Variants in MAF observed in about 807,000 individuals in gnomAD.
MAF encodes the protein MAF bZIP transcription factor.
In MAF, 10 loss-of-function variants were observed where a neutral mutation model predicts 22.0. That is an observed-to-expected ratio of 0.45 (90% CI 0.28 to 0.77). MAF has a LOEUF of 0.77. Among genes scored for constraint, MAF ranks in the 30% least tolerant of loss-of-function variants. The pLI is 0.12. For missense variants in MAF, 544 were observed against 548.4 expected, an observed-to-expected ratio of 0.99 and a Z score of 0.08; for synonymous variants, 337 against 255.8, an observed-to-expected ratio of 1.32 and a Z score of -3.03.
At chr16:79,410,407 G>A in the MAF span, among the ~76,000 whole-genome samples, 3 of 152,224 alleles carry the variant, frequency 2.0e-5, no homozygotes, top group South Asian at 6.2e-4. Context: ...ATTGAACTGA[G>A]CAACTGCGAA....
At chr16:79,531,861 A>G in the MAF span, among the ~76,000 whole-genome samples, 2 of 151,748 alleles carry the variant, frequency 1.3e-5, no homozygotes, top group East Asian at 3.9e-4. Flanking sequence ...TGAAAAGATT[A>G]GAAAATAGGC....
chr16:79,582,294 G>T (rs1181741516), downstream of MAF, among the ~76,000 whole-genome samples: 1 of 152,226 alleles, frequency 6.6e-6, no homozygotes, highest in Non-Finnish European at 1.5e-5. Context: ...GTAAATCGGA[G>T]ATTTTGGCAG....
At chr16:79,577,642 T>C in the MAF span, among the ~76,000 whole-genome samples, 5 of 152,308 alleles carry the variant, frequency 3.3e-5, no homozygotes, top group African/African-American at 1.2e-4. Context: ...CTCTAACTCC[T>C]GACATGCTGG....
the MAF span, among the ~76,000 whole-genome samples, chr16:79,270,902 T>TTA: frequency 6.7e-6 from 1 of 149,424 alleles, no homozygotes; most frequent in Non-Finnish European, 1.5e-5. Context: ...TGGCCAGAGT[T>TTA]TTTTTTTTTT....
the MAF span, among the ~76,000 whole-genome samples, chr16:79,429,487 A>T: frequency 3.3e-5 from 5 of 152,126 alleles, no homozygotes; most frequent in Admixed American, 2.6e-4. Flanking sequence ...AAGATTAAGC[A>T]ATTTGCTTTT....
downstream of MAF, among the ~76,000 whole-genome samples, chr16:79,581,039 C>T (rs1299841748): frequency 6.6e-6 from 1 of 152,050 alleles, no homozygotes; most frequent in Non-Finnish European, 1.5e-5. Flanking sequence ...AAGAGAGATG[C>T]CAAGCATCTC....
chr16:79,500,094 C>T, the MAF span, among the ~76,000 whole-genome samples: 16 of 152,188 alleles, frequency 1.1e-4, no homozygotes, highest in Admixed American at 1.0e-3. Flanking sequence ...TGCCTGGAGC[C>T]TCCAGAAGAA....
chr16:79,281,310 G>A, the MAF span, among the ~76,000 whole-genome samples: 4 of 151,512 alleles, frequency 2.6e-5, no homozygotes, highest in Non-Finnish European at 2.9e-5. Context: ...GGGGATGATC[G>A]TGAAAGATGA....
the MAF span, among the ~76,000 whole-genome samples, chr16:79,312,704 C>T: frequency 6.6e-6 from 1 of 152,248 alleles, no homozygotes; most frequent in African/African-American, 2.4e-5. Context: ...TGAGCCGCTA[C>T]TTTCATATCT....
the MAF span, among the ~76,000 whole-genome samples, chr16:79,433,028 T>C: frequency 2.0e-5 from 3 of 152,272 alleles, no homozygotes; most frequent in East Asian, 3.9e-4. Context: ...AGATAGTTCT[T>C]CCTTCATGTA....
chr16:79,338,838 G>C, the MAF span, among the ~76,000 whole-genome samples: 1 of 152,118 alleles, frequency 6.6e-6, no homozygotes, highest in Non-Finnish European at 1.5e-5. Context: ...ATTTCTCAAA[G>C]GGTTAGTGTG....
At chr16:79,598,019 A>AC (rs1555529599) in intron 1 of MAF, 9 of 1,037,474 alleles carry the variant, frequency 8.7e-6, no homozygotes, top group Non-Finnish European at 9.3e-6. Context: ...GTTCATGAGG[A>AC]TTTTTTTCTC....
the MAF span, among the ~76,000 whole-genome samples, chr16:79,556,496 G>A: frequency 6.6e-6 from 1 of 152,180 alleles, no homozygotes; most frequent in Non-Finnish European, 1.5e-5. Context: ...CCCTGCAGAA[G>A]GAGACTGTAA....
chr16:79,594,195 A>C lies in MAF; in HGVS notation c.*265T>G. The C allele has an allele frequency of 2.2e-6, 1 of 447,716 alleles. No homozygotes were observed. The highest frequency in any genetic ancestry group is 3.5e-5 in the Admixed American group (1 of 28,436). The allele number at this position is 447,716 out of a possible 1,614,324, so 27.7% of individuals were successfully genotyped here. A position where few individuals can be genotyped will look rare whatever the true frequency, so the allele number is the denominator to read the frequency against. On this transcript the variant is annotated 3_prime_UTR_variant, in exon 2 of 2. Coordinates refer to ENST00000326043, the MANE Select transcript of MAF (RefSeq NM_005360.5). ...TTTGTAATTTCAGTGAATTTTTAAA[A>C]CTAGTATGGCAGGTTGAAAGCAATG...
the MAF span, among the ~76,000 whole-genome samples, chr16:79,423,907 G>A: frequency 1.3e-5 from 2 of 152,252 alleles, no homozygotes; most frequent in South Asian, 2.1e-4. Context: ...TCAGGTTCTC[G>A]AGTCTGGTAC....
chr16:79,593,239 C>T (rs1025270707), downstream of MAF, among the ~76,000 whole-genome samples: 1 of 152,056 alleles, frequency 6.6e-6, no homozygotes, highest in African/African-American at 2.4e-5. Flanking sequence ...ACGAAAACAA[C>T]GGCCACAGCA....
At chr16:79,275,080 G>A in the MAF span, among the ~76,000 whole-genome samples, 2 of 152,210 alleles carry the variant, frequency 1.3e-5, no homozygotes, top group South Asian at 2.1e-4. Flanking sequence ...TAGAGGCCGG[G>A]TGTGGTGGCT....
the MAF span, among the ~76,000 whole-genome samples, chr16:79,385,545 A>G: frequency 1.3e-5 from 2 of 152,262 alleles, no homozygotes; most frequent in Non-Finnish European, 2.9e-5. Flanking sequence ...ATGGCTTTGA[A>G]TAATAAGATT....
chr16:79,253,232 G>A, the MAF span, among the ~76,000 whole-genome samples: 2 of 152,130 alleles, frequency 1.3e-5, no homozygotes, highest in African/African-American at 4.8e-5. Flanking sequence ...AACTGACCTA[G>A]AATCAGCATG....
Sources: allele counts gnomAD v4.1 joint callset (sites outside exome capture counted in the v4.1 genomes callset), GRCh38; gene constraint gnomAD v4.1.1; transcripts MANE v1.5; gene names NCBI Gene and HGNC (gene_info 2026-07-23, HGNC 2026-07-21).